Variants in DGKI observed in about 807,000 individuals in gnomAD.
DGKI encodes the protein DAG kinase iota.
Under a neutral mutation model 147.5 loss-of-function variants are expected in DGKI, and 55 were observed. The ratio of observed to expected loss-of-function variants is 0.37; its 90% confidence interval spans 0.30 to 0.47. The LOEUF (loss-of-function observed/expected upper bound fraction) is 0.47, where lower values mean the gene tolerates loss of function less well. DGKI is among the 20% of genes least tolerant of loss of function. The probability of loss-of-function intolerance (pLI) is 1.00; values close to 1 mark genes in which losing one functional copy is unlikely to be tolerated. For missense variants in DGKI, 1,007 were observed against 1,323.8 expected (o/e 0.76, Z 3.71); for synonymous variants, 469 against 477.1 (o/e 0.98, Z 0.22).
chr7:137,388,824 A>C lies in DGKI; in HGVS notation c.*2396T>G, dbSNP rs1383873792. On this transcript the variant is annotated 3_prime_UTR_variant, in exon 33 of 33. Coordinates refer to ENST00000614521, the MANE Select transcript of DGKI (RefSeq NM_001321708.2). ...AATGCCTTTTTTTTTTTTGGTTTGA[A>C]AAAATTTCCAAATGCATCAGGAATC... is the stretch of plus-strand genomic sequence containing the variant. The C allele has an allele frequency of 6.6e-6, 1 of 152,074 alleles. No individual in the cohort carries two copies. The highest frequency in any genetic ancestry group is 1.5e-5 in the Non-Finnish European group (1 of 67,968). 9.4% of individuals were successfully genotyped at this position (152,074 alleles called of 1,614,324 possible). A position where few individuals can be genotyped will look rare whatever the true frequency, so the allele number is the denominator to read the frequency against.
chr7:137,577,170 G>A (rs975209284), intron 17 of DGKI, 52 bp downstream of exon 17: 12 of 1,313,094 alleles, frequency 9.1e-6, no homozygotes, highest in Admixed American at 5.9e-5. Flanking sequence ...GGAGTTTTTT[G>A]TGGCAGTCAT....
chr7:137,775,074 T>C (rs1796325926), intron 1 of DGKI: 1 of 151,992 alleles, frequency 6.6e-6, no homozygotes, highest in South Asian at 2.1e-4. Context: ...TTTAACACAC[T>C]AAGCTGACTC....
At chr7:137,618,944 C>A (rs989022353) in intron 8 of DGKI, among the ~76,000 whole-genome samples, 2 of 152,106 alleles carry the variant, frequency 1.3e-5, no homozygotes, top group Non-Finnish European at 2.9e-5. Context: ...AAAACAGTAT[C>A]CCTGATCCAC....
intron 1 of DGKI, among the ~76,000 whole-genome samples, chr7:137,841,989 G>A (rs999925622): frequency 1.4e-4 from 22 of 152,134 alleles, no homozygotes; most frequent in Non-Finnish European, 2.5e-4. Context: ...TAAGTACTCC[G>A]GACAGTGGTT....
intron 20 of DGKI, among the ~76,000 whole-genome samples, chr7:137,551,625 C>T (rs2128966194): frequency 6.6e-6 from 1 of 152,286 alleles, no homozygotes; most frequent in Admixed American, 6.5e-5. Flanking sequence ...TCTCCAACCC[C>T]ACAGACACTT....
intron 1 of DGKI, among the ~76,000 whole-genome samples, chr7:137,752,432 A>T (rs944192315): frequency 1.3e-5 from 2 of 152,136 alleles, no homozygotes; most frequent in African/African-American, 2.4e-5. Flanking sequence ...AAGGGAGGAG[A>T]CCACCCCTCA....
At chr7:137,518,068 TAC>T (rs1816841557) in intron 21 of DGKI, among the ~76,000 whole-genome samples, 1 of 152,066 alleles carries the variant, frequency 6.6e-6, no homozygotes, top group Non-Finnish European at 1.5e-5. Context: ...CTCTATGACC[TAC>T]TTTGAGTCTG....
At position 137,596,792 on chromosome 7, in the gene DGKI, T is replaced by C. The variant is rs370969346; in HGVS notation, c.1311+1055A>G. ...TCATTGCATTTATTGGTATATAATG[T>C]GTATCCAACCCTACATTAAGTGCTT... On this transcript the variant is annotated intron_variant, in intron 12 of 32. Transcript: ENST00000614521. 1.8e-4 allele frequency among the ~76,000 whole-genome samples: 28 copies of C among 152,332 alleles called. No homozygotes were observed. The South Asian group carries it at 5.6e-3, about 30-fold the overall frequency.
chr7:137,658,782 G>A (rs778846462), intron 3 of DGKI, among the ~76,000 whole-genome samples: 13 of 152,144 alleles, frequency 8.5e-5, no homozygotes, highest in Non-Finnish European at 1.8e-4. Flanking sequence ...TTTGCACAAG[G>A]GATCTGGGCT....
intron 23 of DGKI, among the ~76,000 whole-genome samples, chr7:137,483,743 G>A (rs753193089): frequency 2.6e-5 from 4 of 151,928 alleles, no homozygotes; most frequent in Non-Finnish European, 4.4e-5. Context: ...AATGGCTTCC[G>A]GCTCCATCCA....
At chr7:137,684,169 A>G (rs138121046) in intron 2 of DGKI, among the ~76,000 whole-genome samples, 67 of 152,296 alleles carry the variant, frequency 4.4e-4, no homozygotes, top group African/African-American at 1.5e-3. Context: ...ATAACACACC[A>G]TGTTGGATGT....
chr7:137,818,933 C>T (rs1451941128), intron 1 of DGKI, among the ~76,000 whole-genome samples: 1 of 152,044 alleles, frequency 6.6e-6, no homozygotes, highest in Non-Finnish European at 1.5e-5. Context: ...ATGTTTTTCC[C>T]CTCAAATGAC....
intron 1 of DGKI, among the ~76,000 whole-genome samples, chr7:137,788,156 AT>A (rs1563198203): frequency 6.6e-6 from 1 of 152,148 alleles, no homozygotes; most frequent in Non-Finnish European, 1.5e-5. Flanking sequence ...ATAATGTGTA[AT>A]TTCTCTTGAG....
At chr7:137,729,669 A>G (rs1323674028) in intron 1 of DGKI, among the ~76,000 whole-genome samples, 1 of 152,090 alleles carries the variant, frequency 6.6e-6, no homozygotes, top group East Asian at 1.9e-4. Flanking sequence ...CATGCCATAG[A>G]AACCACACTC....
chr7:137,497,565 A>T (rs1348541729), intron 21 of DGKI, among the ~76,000 whole-genome samples: 2 of 152,172 alleles, frequency 1.3e-5, no homozygotes, highest in African/African-American at 4.8e-5. Flanking sequence ...GGTAGAGAGG[A>T]TAAAGAAAAT....
At chr7:137,794,758 T>C (rs911764265) in intron 1 of DGKI, among the ~76,000 whole-genome samples, 4 of 152,234 alleles carry the variant, frequency 2.6e-5, no homozygotes, top group African/African-American at 9.6e-5. Flanking sequence ...GAGACAGATA[T>C]CTACTCAGGT....
Position 137,391,084 on chromosome 7 carries a change from G to GC in DGKI, c.*135dup. On this transcript the variant is annotated 3_prime_UTR_variant, in exon 33 of 33. Transcript: ENST00000614521. Reference sequence around the variant, plus strand: ...TCTTGGTAGCCCTTAAAAGCTAGTGGCATGGTCTCAGGTAGATTCTTGCAG... The same window carrying GC: ...TCTTGGTAGCCCTTAAAAGCTAGTGGCCATGGTCTCAGGTAGATTCTTGCAG... 1 of 739,006 alleles carries GC rather than the reference G, an allele frequency of 1.4e-6. No individual in the cohort carries two copies. The highest frequency in any genetic ancestry group is 2.4e-6 in the Non-Finnish European group (1 of 417,438). 45.8% of individuals were successfully genotyped at this position (739,006 alleles called of 1,614,324 possible).
chr7:137,645,414 G>A, intron 6 of DGKI, 58 bp downstream of exon 6: 2 of 1,492,354 alleles, frequency 1.3e-6, no homozygotes, highest in South Asian at 2.4e-5. Flanking sequence ...ATCTACCTCA[G>A]TTGCTTGCAG....
intron 1 of DGKI, among the ~76,000 whole-genome samples, chr7:137,700,994 C>T (rs1356982810): frequency 2.0e-5 from 3 of 152,166 alleles, no homozygotes; most frequent in Non-Finnish European, 4.4e-5. Context: ...CAGGTTTCTT[C>T]ATCCAGCCCA....
Sources: gnomAD v4.1 joint callset for allele counts (sites outside exome capture counted in the v4.1 genomes callset) on GRCh38, gnomAD v4.1.1 for gene constraint, MANE v1.5 for transcripts, NCBI Gene and HGNC (gene_info 2026-07-23, HGNC 2026-07-21) for gene names.